The following XYLT1 variants were observed in gnomAD, a reference collection of about 807,000 sequenced individuals.
XYLT1 encodes the protein beta-D-xylosyltransferase 1.
Under a neutral mutation model 91.3 loss-of-function variants are expected in XYLT1, and 36 were observed. The ratio of observed to expected loss-of-function variants is 0.39; its 90% CI spans 0.30 to 0.52. XYLT1 has a LOEUF of 0.52. Ranked by LOEUF, XYLT1 falls within the 20% of genes least tolerant of loss-of-function variation. The pLI is 0.68. For synonymous variants in XYLT1, 588 were observed against 532.0 expected (o/e 1.11, Z -1.45); for missense variants, 1,242 against 1,284.5 (o/e 0.97, Z 0.51).
intron 1 of XYLT1, among the ~76,000 whole-genome samples, chr16:17,463,199 A>G (rs2036844311): frequency 6.6e-6 from 1 of 152,226 alleles, no homozygotes; most frequent in Non-Finnish European, 1.5e-5. Context: ...CCACAAAAGC[A>G]CAGGCAACAA....
chr16:17,129,417 A>C (rs1377493532), intron 9 of XYLT1, among the ~76,000 whole-genome samples: 1 of 152,102 alleles, frequency 6.6e-6, no homozygotes, highest in Non-Finnish European at 1.5e-5. Context: ...ATCAGCCACC[A>C]TGCCCGGCTA....
chr16:17,151,057 T>C (rs1467127020), intron 6 of XYLT1, among the ~76,000 whole-genome samples: 1 of 152,116 alleles, frequency 6.6e-6, no homozygotes, highest in Non-Finnish European at 1.5e-5. Flanking sequence ...CACCCACAAG[T>C]CCACGTGGCT....
chr16:17,204,361 C>A (rs2032600796), intron 3 of XYLT1, among the ~76,000 whole-genome samples: 1 of 152,044 alleles, frequency 6.6e-6, no homozygotes, highest in African/African-American at 2.4e-5. Flanking sequence ...AGCAAGAGAG[C>A]TCCCTTGGCT....
Position 17,332,567 on chromosome 16 carries a change from TACACACACACAC to T in XYLT1, c.402+25433_402+25444del, listed in dbSNP as rs60919228. Among the ~76,000 whole-genome samples the T allele has an allele frequency of 2.3e-3, 318 of 138,006 alleles. 2 individuals carry two copies. The highest frequency in any genetic ancestry group is 2.8e-3 in the African/African-American group (102 of 36,982). 90.5% of individuals were successfully genotyped at this position (138,006 alleles called of 152,430 possible). On this transcript the variant is annotated intron_variant, in intron 2 of 11. Coordinates refer to ENST00000261381, the MANE Select transcript of XYLT1 (RefSeq NM_022166.4). ...ACAGAGCCAGAGTCCATCACACACA[TACACACACACAC>T]ACACACACACACACACACACACACA... is the stretch of plus-strand genomic sequence containing the variant.
intron 2 of XYLT1, among the ~76,000 whole-genome samples, chr16:17,329,422 G>A (rs189695893): frequency 1.2e-4 from 19 of 152,280 alleles, no homozygotes; most frequent in African/African-American, 3.9e-4. Context: ...ACATGTTAAC[G>A]TCCTTATGCC....
At chr16:17,170,790 T>C (rs938772641) in intron 5 of XYLT1, among the ~76,000 whole-genome samples, 8 of 152,320 alleles carry the variant, frequency 5.3e-5, no homozygotes, top group African/African-American at 1.9e-4. Flanking sequence ...TTTCACCACA[T>C]AGGTCTTCCT....
At chr16:17,415,315 A>G (rs144219035) in intron 1 of XYLT1, among the ~76,000 whole-genome samples, 1 of 152,308 alleles carries the variant, frequency 6.6e-6, no homozygotes, top group African/African-American at 2.4e-5. Flanking sequence ...TTGAGAACAC[A>G]GCAGTGAGCA....
intron 1 of XYLT1, among the ~76,000 whole-genome samples, chr16:17,422,048 T>A (rs1025150049): frequency 1.3e-5 from 2 of 151,934 alleles, no homozygotes; most frequent in Non-Finnish European, 2.9e-5. Flanking sequence ...AATGGCATGA[T>A]CTCCACTCAC....
chr16:17,243,556 ATAGAT>A (rs575178549), intron 3 of XYLT1, among the ~76,000 whole-genome samples: 3 of 152,124 alleles, frequency 2.0e-5, no homozygotes, highest in Non-Finnish European at 4.4e-5. Context: ...TCCCCATTCT[ATAGAT>A]TAAAGATCAA....
At chr16:17,299,555 C>T (rs976398437) in intron 2 of XYLT1, among the ~76,000 whole-genome samples, 1 of 152,232 alleles carries the variant, frequency 6.6e-6, no homozygotes, top group African/African-American at 2.4e-5. Context: ...AAGACACCCT[C>T]TGAATTGCTA....
chr16:17,428,628 A>G (rs2036348458), intron 1 of XYLT1, among the ~76,000 whole-genome samples: 1 of 152,196 alleles, frequency 6.6e-6, no homozygotes, highest in Non-Finnish European at 1.5e-5. Context: ...CTTGTCATCA[A>G]TGTGTCTGAG....
chr16:17,390,688 CA>C (rs1183476677), intron 1 of XYLT1, among the ~76,000 whole-genome samples: 1 of 152,168 alleles, frequency 6.6e-6, no homozygotes, highest in Admixed American at 6.5e-5. Flanking sequence ...AGTCCTTCCC[CA>C]AAACTAAACC....
intron 1 of XYLT1, among the ~76,000 whole-genome samples, chr16:17,405,442 C>T (rs2036021323): frequency 6.6e-6 from 1 of 152,212 alleles, no homozygotes; most frequent in African/African-American, 2.4e-5. Flanking sequence ...GCCACACACC[C>T]CACCCAAAGA....
chr16:17,256,169 A>G (rs1361376141), intron 3 of XYLT1, among the ~76,000 whole-genome samples: 3 of 152,140 alleles, frequency 2.0e-5, no homozygotes, highest in African/African-American at 7.2e-5. Flanking sequence ...CTGTCTATCC[A>G]TCCAGCCCTC....
chr16:17,278,701 C>T (rs969223874), intron 2 of XYLT1, among the ~76,000 whole-genome samples: 6 of 152,172 alleles, frequency 3.9e-5, no homozygotes, highest in African/African-American at 1.4e-4. Context: ...GTTTCATCCT[C>T]CCATTTATCT....
intron 3 of XYLT1, among the ~76,000 whole-genome samples, chr16:17,232,442 T>C (rs2033178769): frequency 8.1e-6 from 1 of 124,010 alleles, no homozygotes; most frequent in African/African-American, 2.8e-5. Context: ...TATATATATA[T>C]ATATATACAT....
At chr16:17,217,063 A>G (rs1339010161) in intron 3 of XYLT1, among the ~76,000 whole-genome samples, 2 of 152,212 alleles carry the variant, frequency 1.3e-5, no homozygotes, top group East Asian at 3.8e-4. Context: ...TGGACATAGA[A>G]ACACACATGC....
intron 3 of XYLT1, among the ~76,000 whole-genome samples, chr16:17,232,405 CTGTG>C (rs1199361319): frequency 3.9e-4 from 46 of 119,198 alleles, no homozygotes; most frequent in Non-Finnish European, 5.2e-4. Flanking sequence ...GTGTCTGTGT[CTGTG>C]TGTGTGTGTG....
chr16:17,145,796 C>A (rs1168355401), intron 6 of XYLT1, among the ~76,000 whole-genome samples: 1 of 152,232 alleles, frequency 6.6e-6, no homozygotes, highest in African/African-American at 2.4e-5. Flanking sequence ...GGGCAGGTAG[C>A]CAGGGCTGTG....
Sources: gnomAD v4.1 joint callset for allele counts (sites outside exome capture counted in the v4.1 genomes callset) on GRCh38, gnomAD v4.1.1 for gene constraint, MANE v1.5 for transcripts, NCBI Gene and HGNC (gene_info 2026-07-23, HGNC 2026-07-21) for gene names.